The following FECH variants were observed in gnomAD, a reference collection of about 807,000 sequenced individuals.
FECH encodes ferrochelatase, mitochondrial.
In FECH, 40 loss-of-function variants were observed where a neutral mutation model predicts 56.9. The observed-to-expected ratio is 0.70, with a 90% CI of 0.55 to 0.92. The LOEUF (loss-of-function observed/expected upper bound fraction) is 0.92, where lower values mean the gene tolerates loss of function less well. FECH is among the 40% of genes least tolerant of loss of function. The pLI, the probability that FECH is intolerant of heterozygous loss-of-function variation, is 0.00. For missense variants in FECH, 431 were observed against 529.1 expected (o/e 0.81, Z 1.82); for synonymous variants, 175 against 198.6 (o/e 0.88, Z 1.00).
chr18:57,559,321 G>T (rs999897343), intron 6 of FECH, 78 bp from the exon 7 acceptor site: 4 of 1,066,646 alleles, frequency 3.8e-6, no homozygotes, highest in Non-Finnish European at 5.7e-6. Flanking sequence ...ATTTTAAAAT[G>T]AAGCCTACAC....
chr18:57,571,682 A>G (rs2122322495), intron 3 of FECH, 142 bp from the exon 4 acceptor site: 4 of 1,150,614 alleles, frequency 3.5e-6, no homozygotes, highest in African/African-American at 1.5e-5. Context: ...GCTTGAGGTC[A>G]TTGACAATAG....
At chr18:57,585,035 G>T (rs955116748) in intron 1 of FECH, among the ~76,000 whole-genome samples, 1 of 150,922 alleles carries the variant, frequency 6.6e-6, no homozygotes, top group Non-Finnish European at 1.5e-5. Context: ...GAAACAAAAC[G>T]TTTAAAGTTT....
intron 2 of FECH, among the ~76,000 whole-genome samples, chr18:57,577,670 T>A (rs1456003618): frequency 6.6e-6 from 1 of 152,172 alleles, no homozygotes; most frequent in African/African-American, 2.4e-5. Context: ...TTTATGATGA[T>A]AAAGTAAATA....
rs1245302687 is a variant in FECH, at chr18:57,546,959, C to CAA, written c.*3751_*3752dup. Among the ~76,000 whole-genome samples the CAA allele has an allele frequency of 0.067, 7,566 of 112,818 alleles. 396 individuals are homozygous for CAA. The highest frequency in any genetic ancestry group is 0.16 in the African/African-American group (4,655 of 28,668). 74.0% of individuals were successfully genotyped at this position (112,818 alleles called of 152,430 possible). A position where few individuals can be genotyped will look rare whatever the true frequency, so the allele number is the denominator to read the frequency against. The stretch of plus-strand genomic sequence containing the variant: ...TGGGCAACAGAGCGAGACTCCATCT[C>CAA]AAAAAAAAAAAAAAAAAATTTAAGG... On this transcript the variant is annotated 3_prime_UTR_variant, in exon 11 of 11. Transcript: ENST00000262093.
intron 2 of FECH, among the ~76,000 whole-genome samples, chr18:57,577,966 G>T (rs10710391): frequency 0.24 from 34,944 of 146,520 alleles, 4,330 homozygotes; most frequent in African/African-American, 0.3. Flanking sequence ...GGTTTTTTTT[G>T]TTGCCTATCC....
chr18:57,566,687 T>C (rs2051021123), intron 4 of FECH, 106 bp from the exon 5 acceptor site: 2 of 1,398,610 alleles, frequency 1.4e-6, no homozygotes, highest in Non-Finnish European at 2.0e-6. Flanking sequence ...GTTCATGTAA[T>C]TTCCTATGGC....
In FECH at chr18:57,544,682, A is replaced by G. The variant is rs1331607833; in HGVS notation, c.*6030T>C. On this transcript the variant is annotated 3_prime_UTR_variant, in exon 11 of 11. Transcript: ENST00000262093. ...TTGGATAAGTTGAATAATAGTTTTCAAATAATGGAAGACTATTCAAGTGTT... is the reference window on the plus strand; with the variant it reads ...TTGGATAAGTTGAATAATAGTTTTCGAATAATGGAAGACTATTCAAGTGTT... Among the ~76,000 whole-genome samples, 3 of 152,260 alleles carry G rather than the reference A, an allele frequency of 2.0e-5. No individual in the cohort carries two copies. The highest frequency in any genetic ancestry group is 4.4e-5 in the Non-Finnish European group (3 of 68,042).
At chr18:57,579,313 G>GTGTATATA (rs531089366) in intron 2 of FECH, among the ~76,000 whole-genome samples, 29 of 143,842 alleles carry the variant, frequency 2.0e-4, no homozygotes, top group African/African-American at 7.6e-4. Context: ...GTGTGTGTGT[G>GTGTATATA]TATATATTCA....
intron 9 of FECH, among the ~76,000 whole-genome samples, chr18:57,552,024 C>T (rs1185933431): frequency 2.0e-5 from 3 of 151,852 alleles, no homozygotes; most frequent in Admixed American, 2.0e-4. Context: ...GCTGAGATTA[C>T]AGGCATGCAC....
chr18:57,553,027 C>T (rs1276144471), intron 9 of FECH, among the ~76,000 whole-genome samples: 1 of 152,086 alleles, frequency 6.6e-6, no homozygotes, highest in East Asian at 1.9e-4. Flanking sequence ...TGCCACTGCA[C>T]CCCAGCCTGG....
At chr18:57,551,418 AT>A (rs762241893) in intron 9 of FECH, 44 bp from the exon 10 acceptor site, 1 of 1,513,796 alleles carries the variant, frequency 6.6e-7, no homozygotes, top group Admixed American at 1.7e-5. Flanking sequence ...GATATATTTT[AT>A]TTTCCTTTTT....
At chr18:57,560,967 T>G (rs1443638582) in intron 6 of FECH, among the ~76,000 whole-genome samples, 1 of 152,148 alleles carries the variant, frequency 6.6e-6, no homozygotes, top group Non-Finnish European at 1.5e-5. Context: ...TAAAGTTAAG[T>G]TCCCTTTTCA....
At chr18:57,573,916 A>G (rs1395832067) in intron 2 of FECH, among the ~76,000 whole-genome samples, 1 of 152,194 alleles carries the variant, frequency 6.6e-6, no homozygotes, top group African/African-American at 2.4e-5. Flanking sequence ...TTAAACCTCC[A>G]CAGTCTAATA....
At chr18:57,563,006 A>G (rs952096018) in intron 5 of FECH, 26 bp from the exon 6 acceptor site, 1 of 1,573,764 alleles carries the variant, frequency 6.4e-7, no homozygotes, top group African/African-American at 1.3e-5. Flanking sequence ...ACCACTTAGT[A>G]GATGCATTTT....
chr18:57,560,329 A>G (rs1284208615), intron 6 of FECH, among the ~76,000 whole-genome samples: 2 of 152,242 alleles, frequency 1.3e-5, no homozygotes, highest in Non-Finnish European at 2.9e-5. Flanking sequence ...CGTGTAAATG[A>G]TAAAGCAAGT....
rs2050697001 is a variant in FECH, at chr18:57,544,563, T to C, written c.*6149A>G. The stretch of plus-strand genomic sequence containing the variant: ...TCTGCAGCCAACCTATGGTTGCAAT[T>C]GATCAACAAGTATAGTTCACACATA... On this transcript the variant is annotated 3_prime_UTR_variant, in exon 11 of 11. Coordinates refer to ENST00000262093, the MANE Select transcript of FECH (RefSeq NM_000140.5). 6.6e-6 allele frequency among the ~76,000 whole-genome samples: 1 copy of C among 152,254 alleles called. No individual in the cohort carries two copies. Among genetic ancestry groups the C allele is most frequent in the Non-Finnish European group, 1.5e-5 (1 of 68,052 alleles).
chr18:57,578,630 T>G (rs903481141), intron 2 of FECH, among the ~76,000 whole-genome samples: 1 of 151,536 alleles, frequency 6.6e-6, no homozygotes, highest in African/African-American at 2.4e-5. Flanking sequence ...CAGTGAGCCA[T>G]GATCACACCA....
chr18:57,560,675 AG>A (rs1473583459), intron 6 of FECH, among the ~76,000 whole-genome samples: 3 of 152,216 alleles, frequency 2.0e-5, no homozygotes, highest in African/African-American at 7.2e-5. Flanking sequence ...ACAGTAATAT[AG>A]GTAAAAGAGT....
chr18:57,562,081 G>C (rs1433131415), intron 6 of FECH, among the ~76,000 whole-genome samples: 1 of 152,042 alleles, frequency 6.6e-6, no homozygotes, highest in Non-Finnish European at 1.5e-5. Context: ...TTGTTAGTAG[G>C]GTTTTTTGCC....
Sources: gnomAD v4.1 joint callset for allele counts (sites outside exome capture counted in the v4.1 genomes callset) on GRCh38, gnomAD v4.1.1 for gene constraint, MANE v1.5 for transcripts, NCBI Gene and HGNC (gene_info 2026-07-23, HGNC 2026-07-21) for gene names.